Variants in GATA6 observed in about 807,000 individuals in gnomAD.
The protein encoded by GATA6 is GATA binding protein 6, also known as transcription factor GATA-6.
A neutral mutation model predicts 48.1 loss-of-function variants in GATA6; 11 were observed. That is an observed-to-expected ratio of 0.23 (90% CI 0.14 to 0.38). The LOEUF is 0.38. Ranked by LOEUF, GATA6 falls within the 10% of genes least tolerant of loss-of-function variation. The pLI is 1.00. For synonymous variants in GATA6, 419 were observed against 396.1 expected (o/e 1.06, Z -0.69); for missense variants, 795 against 850.3 (o/e 0.93, Z 0.81).
At chr18:22,183,838 T>C (rs2143306145) in intron 6 of GATA6, among the ~76,000 whole-genome samples, 1 of 152,360 alleles carries the variant, frequency 6.6e-6, no homozygotes, top group East Asian at 1.9e-4. Flanking sequence ...GTCAGTGAGC[T>C]CCAAGGCAGG....
At position 22,171,908 on chromosome 18, in the gene GATA6, C is replaced by A; in HGVS notation, c.764C>A (p.Ala255Asp). 1 of 1,163,420 alleles carries A rather than the reference C, an allele frequency of 8.6e-7. No homozygotes were observed. The highest frequency in any genetic ancestry group is 1.1e-6 in the Non-Finnish European group (1 of 944,586). The allele number at this position is 1,163,420 out of a possible 1,614,324, so 72.1% of individuals were successfully genotyped here. Residue 255 changes from alanine to aspartate, a missense_variant, in exon 2 of 7, where the codon GCC becomes GAC. Transcript: ENST00000269216. This position sits in a 1 kb window ranked among gnomAD's most constrained non-coding sequence, Gnocchi z 7.1. ...GAAGPGGAGSAAAHVSARFPY... is the reference protein window; with the variant it reads ...GAAGPGGAGSDAAHVSARFPY... The stretch of plus-strand genomic sequence containing the variant: ...GCGGGGCCTGGCGGCGCTGGCTCAG[C>A]CGCGGCGCACGTCTCGGCGCGCTTC...
chr18:22,176,884 C>T lies in GATA6; in HGVS notation c.1136-71C>T, dbSNP rs1023540732. 3.8e-5 allele frequency: 56 copies of T among 1,482,866 alleles called. No individual in the cohort carries two copies. In the African/African-American group the frequency reaches 7.5e-4, roughly 20 times the overall value. 91.9% of individuals were successfully genotyped at this position (1,482,866 alleles called of 1,614,324 possible). On this transcript the variant is annotated intron_variant, in intron 2 of 6. Transcript: ENST00000269216. The stretch of plus-strand genomic sequence containing the variant: ...GGGCACCGGGGCTGGGGGCCGGGGT[C>T]CCCGGGGTGACGCGGGGAGGGACGG...
intron 6 of GATA6, among the ~76,000 whole-genome samples, chr18:22,194,436 G>A (rs903388292): frequency 6.6e-6 from 1 of 152,158 alleles, no homozygotes; most frequent in Non-Finnish European, 1.5e-5. Flanking sequence ...CGCCTGGCCT[G>A]TGCTGCCTGC....
At chr18:22,199,900 C>CAAAAA (rs35638046) in intron 6 of GATA6, among the ~76,000 whole-genome samples, 33 of 68,212 alleles carry the variant, frequency 4.8e-4, no homozygotes, top group African/African-American at 8.9e-4. Context: ...GACTCTGTTT[C>CAAAAA]AAAAAAAAAA....
chr18:22,184,739 T>C lies in GATA6; in HGVS notation c.1620+1696T>C, dbSNP rs1008260453. Among the ~76,000 whole-genome samples the C allele has an allele frequency of 2.0e-5, 3 of 152,064 alleles. 1 individual carries two copies. The highest frequency in any genetic ancestry group is 4.4e-5 in the Non-Finnish European group (3 of 68,014). On this transcript the variant is annotated intron_variant, in intron 6 of 6. Coordinates refer to ENST00000269216, the MANE Select transcript of GATA6 (RefSeq NM_005257.6). Reference sequence around the variant, plus strand: ...GTCTCGAACTCCTGTCCTCAAGTGATCCACCTACCTCAGCCTCCCAAAGTG... The same window carrying C: ...GTCTCGAACTCCTGTCCTCAAGTGACCCACCTACCTCAGCCTCCCAAAGTG...
intron 6 of GATA6, among the ~76,000 whole-genome samples, chr18:22,186,475 C>T (rs921892332): frequency 6.6e-6 from 1 of 152,202 alleles, no homozygotes; most frequent in Non-Finnish European, 1.5e-5. Flanking sequence ...GCATTCCCAG[C>T]AGGCTTATTG....
At chr18:22,174,516 G>A (rs756068667) in intron 2 of GATA6, among the ~76,000 whole-genome samples, 3 of 151,956 alleles carry the variant, frequency 2.0e-5, no homozygotes, top group East Asian at 1.9e-4. Flanking sequence ...CAGAAGATTT[G>A]TTATTTTTTT....
intron 3 of GATA6, among the ~76,000 whole-genome samples, chr18:22,177,944 GTTTTTTTGTT>G (rs1451422947): frequency 0.018 from 1,392 of 77,616 alleles, 54 homozygotes; most frequent in Middle Eastern, 0.042. Context: ...ACGTTTTACT[GTTTTTTTGTT>G]TTTTTTTTTT....
intron 6 of GATA6, among the ~76,000 whole-genome samples, chr18:22,191,715 A>G (rs2143324411): frequency 6.6e-6 from 1 of 152,338 alleles, no homozygotes; most frequent in South Asian, 2.1e-4. Flanking sequence ...ACAATTCACC[A>G]CTCAGCTACC....
At chr18:22,199,131 G>A (rs2033425663) in intron 6 of GATA6, among the ~76,000 whole-genome samples, 1 of 152,172 alleles carries the variant, frequency 6.6e-6, no homozygotes, top group Non-Finnish European at 1.5e-5. Flanking sequence ...CTTATGGTGA[G>A]GGTTGAGAGC....
Position 22,199,920 on chromosome 18 carries a change from A to G in GATA6, c.1621-736A>G, listed in dbSNP as rs56376456. Among the ~76,000 whole-genome samples, 198 of 151,214 alleles carry G rather than the reference A, an allele frequency of 1.3e-3. 1 individual carries two copies. Among genetic ancestry groups the G allele is most frequent in the African/African-American group, 3.8e-3 (154 of 40,954 alleles). ...TGTTTCAAAAAAAAAAAAAAAAAAAAAAAGAAAGAAATCATTGCCATGATC... is the reference window on the plus strand; with the variant it reads ...TGTTTCAAAAAAAAAAAAAAAAAAAGAAAGAAAGAAATCATTGCCATGATC... On this transcript the variant is annotated intron_variant, in intron 6 of 6. Transcript: ENST00000269216.
At position 22,171,194 on chromosome 18, in the gene GATA6, C is replaced by T; in HGVS notation, c.50C>T (p.Ala17Val). ...GWCLPKRFGA[A>V]GADASDSRAF... ...TGCTTGCCGAAGCGCTTCGGGGCCG[C>T]GGGTGCGGACGCCAGCGACTCCAGA... The change falls in exon 2 of 7, where the codon GCG becomes GTG. Residue 17 changes from alanine (A) to valine (V), a missense_variant. By Grantham distance (64) the Ala-to-Val change is moderately conservative. Around this residue, in one of 5 missense-constraint regions of GATA6, gnomAD observed 591 missense variants for 570.0 expected, o/e 1.04. Transcript: ENST00000269216. The surrounding 1 kb of genome is among the most constrained non-coding windows in gnomAD (Gnocchi z 7.1). The T allele has an allele frequency of 6.3e-7, 1 of 1,599,388 alleles. No individual in the cohort carries two copies. Among genetic ancestry groups the T allele is most frequent in the African/African-American group, 1.3e-5 (1 of 74,896 alleles).
intron 6 of GATA6, among the ~76,000 whole-genome samples, chr18:22,188,228 G>A (rs1213093194): frequency 1.3e-5 from 2 of 152,190 alleles, no homozygotes; most frequent in African/African-American, 4.8e-5. Context: ...ACTGGTCTTT[G>A]TTCCATTTGA....
Position 22,202,058 on chromosome 18 carries a change from A to C in GATA6, c.*1235A>C, listed in dbSNP as rs2143350017. On this transcript the variant is annotated 3_prime_UTR_variant, in exon 7 of 7. Transcript: ENST00000269216. ...ATAGATATTCATATAAAACAAGTGC[A>C]CGTGAAGTTTGCAAAATGCTTTAAG... 2 of 152,326 alleles carry C rather than the reference A, an allele frequency of 1.3e-5. No individual in the cohort carries two copies. Among genetic ancestry groups the C allele is most frequent in the East Asian group, 3.9e-4 (2 of 5,188 alleles). The allele number at this position is 152,326 out of a possible 1,614,324, so 9.4% of individuals were successfully genotyped here.
chr18:22,184,126 G>C (rs1007742697), intron 6 of GATA6, among the ~76,000 whole-genome samples: 3 of 152,178 alleles, frequency 2.0e-5, no homozygotes, highest in Non-Finnish European at 4.4e-5. Flanking sequence ...TGCCCCGGAG[G>C]TGTTTGGGAA....
intron 4 of GATA6, among the ~76,000 whole-genome samples, chr18:22,181,890 T>C (rs1402668658): frequency 3.3e-5 from 5 of 152,206 alleles, no homozygotes; most frequent in Non-Finnish European, 7.3e-5. Context: ...GAAAAGTGTG[T>C]ATTTTAGAAT....
At position 22,200,949 on chromosome 18, in the gene GATA6, G is replaced by C; in HGVS notation, c.*126G>C. 9.3e-7 allele frequency: 1 copy of C among 1,074,578 alleles called. No homozygotes were observed. The highest frequency in any genetic ancestry group is 1.6e-5 in the South Asian group (1 of 64,104). The allele number at this position is 1,074,578 out of a possible 1,614,324, so 66.6% of individuals were successfully genotyped here. On this transcript the variant is annotated 3_prime_UTR_variant, in exon 7 of 7. Coordinates refer to ENST00000269216, the MANE Select transcript of GATA6 (RefSeq NM_005257.6). ...AACGTGATTCTCGTGCCTTTATTTT[G>C]AAAGAGATGTTTTTCCCAAGAGGCT... is the stretch of plus-strand genomic sequence containing the variant.
Position 22,200,765 on chromosome 18 carries a change from C to T in GATA6, c.1730C>T (p.Pro577Leu), listed in dbSNP as rs1194509310. The stretch of plus-strand genomic sequence containing the variant: ...TACATAGGCGTCAGTCTCGCCTCGC[C>T]GGCCGAAGTCACGTCCTCCGTGCGA... ...GLYIGVSLAS[P>L]AEVTSSVRPD... is the part of the protein sequence containing the mutation. Residue 577 changes from proline to leucine, a missense_variant, in exon 7 of 7, where the codon CCG becomes CTG. Transcript: ENST00000269216. 1 of 1,613,904 alleles carries T rather than the reference C, an allele frequency of 6.2e-7. No homozygotes were observed. The highest frequency in any genetic ancestry group is 8.5e-7 in the Non-Finnish European group (1 of 1,180,032).
Position 22,171,637 on chromosome 18 carries a change from G to A in GATA6, c.493G>A (p.Ala165Thr). 6.3e-7 allele frequency: 1 copy of A among 1,591,462 alleles called. No homozygotes were observed. The highest frequency in any genetic ancestry group is 8.5e-7 in the Non-Finnish European group (1 of 1,176,176). ...SSQGPAAYDG[A>T]PGGFVHSAAA... is the part of the protein sequence containing the mutation. Reference sequence around the variant, plus strand: ...CCAGGGTCCGGCCGCCTACGACGGCGCGCCCGGCGGCTTCGTGCACTCTGC... The same window carrying A: ...CCAGGGTCCGGCCGCCTACGACGGCACGCCCGGCGGCTTCGTGCACTCTGC... Residue 165 changes from alanine to threonine, a missense_variant, in exon 2 of 7, where the codon GCG becomes ACG. Ala to Thr is a moderately conservative substitution (Grantham distance 58, BLOSUM62 0). Coordinates refer to ENST00000269216, the MANE Select transcript of GATA6 (RefSeq NM_005257.6). This position sits in a 1 kb window ranked among gnomAD's most constrained non-coding sequence, Gnocchi z 7.1.
Sources: allele counts gnomAD v4.1 joint callset (sites outside exome capture counted in the v4.1 genomes callset), GRCh38; gene constraint gnomAD v4.1.1; regional missense constraint gnomAD v4.1.1; non-coding constraint Gnocchi (gnomAD v3.1); transcripts MANE v1.5; gene names NCBI Gene and HGNC (gene_info 2026-07-23, HGNC 2026-07-21).